The following KRT26 variants were observed in gnomAD, a reference collection of about 807,000 sequenced individuals.
KRT26 encodes the protein keratin 26.
Under a neutral mutation model 46.1 loss-of-function variants are expected in KRT26, and 45 were observed. That is an observed-to-expected ratio of 0.98 (90% CI 0.77 to 1.25). KRT26 has a LOEUF of 1.25. Ranked by LOEUF, KRT26 falls within the 50% of genes most tolerant of loss-of-function variation. KRT26 has a pLI of 0.00. For synonymous variants in KRT26, 191 were observed against 209.9 expected, an observed-to-expected ratio of 0.91 and a Z score of 0.78; for missense variants, 582 against 560.1, an observed-to-expected ratio of 1.04 and a Z score of -0.39.
At chr17:40,771,464 C>T (rs150704642) in intron 1 of KRT26, among the ~76,000 whole-genome samples, 149 of 152,204 alleles carry the variant, frequency 9.8e-4, no homozygotes, top group African/African-American at 3.4e-3. Flanking sequence ...ATATGAAAAA[C>T]GAAGTGACTA....
intron 1 of KRT26, 56 bp downstream of exon 1, chr17:40,771,617 T>C: frequency 6.8e-7 from 1 of 1,467,932 alleles, no homozygotes; most frequent in Non-Finnish European, 9.2e-7. Flanking sequence ...TTTCTCTTCT[T>C]TAAATTATCA....
chr17:40,766,244 T>C (rs1214120008), exon 8 of KRT26: 11 of 267,852 alleles, frequency 4.1e-5, no homozygotes, highest in Non-Finnish European at 2.8e-5. Flanking sequence ...TAACTTGCAA[T>C]AGAAGAATTT....
At chr17:40,767,624 T>A (rs1350809013) in exon 7 of KRT26, 2 of 1,606,632 alleles carry the variant, frequency 1.2e-6, no homozygotes, top group African/African-American at 2.7e-5. Context: ...CCTGTATCCT[T>A]TTGATTTGTA....
exon 5 of KRT26, chr17:40,769,842 C>G (rs1289568582): frequency 6.2e-7 from 1 of 1,614,054 alleles, no homozygotes; most frequent in East Asian, 2.2e-5. Context: ...TGTGGCTGCT[C>G]CCTCATGATC....
At chr17:40,770,153 G>A (rs2038209952) in intron 3 of KRT26, 31 bp from the exon 4 acceptor site, 2 of 1,612,268 alleles carry the variant, frequency 1.2e-6, no homozygotes, top group Non-Finnish European at 1.7e-6. Context: ...CATCCTCAGT[G>A]GAGGATTTTG....
At chr17:40,767,985 G>C (rs2038185008) in intron 6 of KRT26, among the ~76,000 whole-genome samples, 1 of 152,170 alleles carries the variant, frequency 6.6e-6, no homozygotes, top group African/African-American at 2.4e-5. Context: ...TGCTGCAGAA[G>C]ATATAGAACC....
intron 6 of KRT26, among the ~76,000 whole-genome samples, 159 bp from the exon 7 acceptor site, chr17:40,767,812 CAT>C (rs1433852712): frequency 6.6e-6 from 1 of 152,156 alleles, no homozygotes; most frequent in African/African-American, 2.4e-5. Context: ...ATGACTTCAA[CAT>C]AGTGAAAGAA....
chr17:40,770,728 A>T (rs1359468855), intron 2 of KRT26, among the ~76,000 whole-genome samples: 1 of 152,250 alleles, frequency 6.6e-6, no homozygotes, highest in African/African-American at 2.4e-5. Context: ...TCTGTCACCC[A>T]GACTGAAGTG....
At chr17:40,770,285 C>T (rs2038211721) in exon 3 of KRT26, 1 of 1,614,142 alleles carries the variant, frequency 6.2e-7, no homozygotes, top group East Asian at 2.2e-5. Flanking sequence ...TAGGTCAATT[C>T]CTCACTGAGG....
At position 40,767,776 on chromosome 17, in the gene KRT26, A is replaced by G. The variant is rs2038183309; in HGVS notation, c.1188-123T>C. ...TCAATAAGATTCAAATTCCTTATATATTTAAAGGACATTAATAAGCTTTTC... is the reference window on the plus strand; with the variant it reads ...TCAATAAGATTCAAATTCCTTATATGTTTAAAGGACATTAATAAGCTTTTC... On this transcript the variant is annotated intron_variant, in intron 6 of 7. Coordinates refer to ENST00000335552, the Ensembl canonical transcript of KRT26. 7 of 536,456 alleles carry G rather than the reference A, an allele frequency of 1.3e-5. No homozygotes were observed. The South Asian group carries it at 2.3e-4, about 18-fold the overall frequency. 33.2% of individuals were successfully genotyped at this position (536,456 alleles called of 1,614,324 possible). A position where few individuals can be genotyped will look rare whatever the true frequency, so the allele number is the denominator to read the frequency against.
At chr17:40,767,075 T>G (rs2038178276) in intron 7 of KRT26, among the ~76,000 whole-genome samples, 2 of 152,224 alleles carry the variant, frequency 1.3e-5, no homozygotes, top group African/African-American at 4.8e-5. Flanking sequence ...TTTTTGCAAG[T>G]TTGCAGTAAA....
At chr17:40,768,785 T>C (rs1423255068) in intron 6 of KRT26, 94 bp downstream of exon 6, 1 of 630,138 alleles carries the variant, frequency 1.6e-6, no homozygotes, top group African/African-American at 1.9e-5. Context: ...ATCTCCAGAG[T>C]AGGAAATTCT....
At chr17:40,770,446 T>A in intron 2 of KRT26, 37 bp from the exon 3 acceptor site, 1 of 1,536,702 alleles carries the variant, frequency 6.5e-7, no homozygotes, top group Non-Finnish European at 8.8e-7. Context: ...GTTGTCATCG[T>A]AGGCAGGTGC....
chr17:40,771,428 T>A (rs907733526), intron 1 of KRT26, among the ~76,000 whole-genome samples, 192 bp from the exon 2 acceptor site: 5 of 152,234 alleles, frequency 3.3e-5, no homozygotes, highest in African/African-American at 1.2e-4. Context: ...CTTTTACTAC[T>A]TTTGATCAAA....
chr17:40,770,295 G>A (rs1277308078), exon 3 of KRT26: 1 of 1,614,052 alleles, frequency 6.2e-7, no homozygotes, highest in Non-Finnish European at 8.5e-7. Flanking sequence ...CCTCACTGAG[G>A]GTCTCACACT....
At position 40,768,983 on chromosome 17, in the gene KRT26, T is replaced by C. The variant is rs765941944; in HGVS notation, c.1083A>G (p.Thr361=). The change falls in exon 6 of 8, where the codon ACA becomes ACG. Residue 361 remains threonine, a synonymous_variant. Transcript: ENST00000335552. ...ACTCCAGCTTCTGGCCTTCTGTTTC[T>C]GTTCGAATCTGTTGCAGTTGTTCCT... is the stretch of plus-strand genomic sequence containing the variant. 6 of 1,613,622 alleles carry C rather than the reference T, an allele frequency of 3.7e-6. No homozygotes were observed. The Admixed American group carries it at 1.0e-4, about 27-fold the overall frequency.
At position 40,766,660 on chromosome 17, in the gene KRT26, G is replaced by A. The variant is rs762941078; in HGVS notation, c.1262C>T (p.Thr421Ile). ...CACTGTTTTAACAATAGTTTCTTCT[G>A]TTGAGTCTAAAATAAAATAAATAAA... Residue 421 changes from threonine (T) to isoleucine (I), a missense_variant, in exon 8 of 8, where the codon ACA (threonine) becomes ATA (isoleucine). By Grantham distance (89) the Thr-to-Ile change is moderately conservative. Coordinates refer to ENST00000335552, the Ensembl canonical transcript of KRT26. 3 of 1,608,640 alleles carry A rather than the reference G, an allele frequency of 1.9e-6. No individual in the cohort carries two copies. In the African/African-American group the frequency reaches 4.0e-5, roughly 22 times the overall value.
At chr17:40,766,760 G>A in intron 7 of KRT26, 94 bp from the exon 8 acceptor site, 2 of 885,886 alleles carry the variant, frequency 2.3e-6, no homozygotes, top group Non-Finnish European at 3.5e-6. Context: ...GTTTTTTTGA[G>A]AAGGAGTCTC....
exon 8 of KRT26, chr17:40,766,463 TC>T: frequency 1.4e-6 from 2 of 1,408,440 alleles, no homozygotes; most frequent in Non-Finnish European, 1.9e-6. Context: ...TTTCTTTCTT[TC>T]TTTCTCTCTC....
Sources: gnomAD v4.1 joint callset for allele counts (sites outside exome capture counted in the v4.1 genomes callset) on GRCh38, gnomAD v4.1.1 for gene constraint, MANE v1.5 for transcripts, NCBI Gene and HGNC (gene_info 2026-07-23, HGNC 2026-07-21) for gene names.